BBS9: variants seen among roughly 807,000 people sequenced by gnomAD.
BBS9 encodes Bardet-Biedl syndrome 9.
Under a neutral mutation model 117.7 loss-of-function variants are expected in BBS9, and 89 were observed. The observed-to-expected ratio is 0.76, with a 90% CI of 0.64 to 0.90. The LOEUF (loss-of-function observed/expected upper bound fraction) is 0.90. BBS9 is among the 40% of genes least tolerant of loss of function. The probability of loss-of-function intolerance (pLI) is 0.00; values close to 1 mark genes in which losing one functional copy is unlikely to be tolerated. For missense variants in BBS9, 982 were observed against 1,042.2 expected (o/e 0.94, Z 0.80); for synonymous variants, 379 against 370.9 (o/e 1.02, Z -0.25).
chr7:33,385,031 A>G (rs536831849), intron 18 of BBS9, among the ~76,000 whole-genome samples: 6 of 152,274 alleles, frequency 3.9e-5, no homozygotes, highest in East Asian at 3.9e-4. Context: ...TCCTTGGGAT[A>G]TATTTTAAGA....
chr7:33,567,839 G>A (rs952157011), intron 21 of BBS9, among the ~76,000 whole-genome samples: 8 of 152,108 alleles, frequency 5.3e-5, no homozygotes, highest in Admixed American at 3.3e-4. Context: ...TAATATCTCA[G>A]GATTAGTACT....
chr7:33,594,538 G>A (rs1030701617), intron 21 of BBS9, among the ~76,000 whole-genome samples: 3 of 152,190 alleles, frequency 2.0e-5, no homozygotes, highest in Non-Finnish European at 4.4e-5. Context: ...TATATAGAAA[G>A]GCATTTTTTT....
chr7:33,530,169 T>C (rs546083255), intron 20 of BBS9, among the ~76,000 whole-genome samples: 1 of 152,354 alleles, frequency 6.6e-6, no homozygotes, highest in East Asian at 1.9e-4. Context: ...CTTTTAGTTT[T>C]ATATTTGAAT....
chr7:33,210,327 G>A (rs1475154778), intron 5 of BBS9, among the ~76,000 whole-genome samples: 2 of 152,210 alleles, frequency 1.3e-5, no homozygotes, highest in Non-Finnish European at 2.9e-5. Context: ...GTCTGTCCTT[G>A]AGAATGATCC....
intron 20 of BBS9, among the ~76,000 whole-genome samples, chr7:33,523,263 A>C (rs1848931791): frequency 6.8e-6 from 1 of 146,966 alleles, no homozygotes; most frequent in Admixed American, 6.7e-5. Context: ...ACTTTAAAGT[A>C]GTTTTTTCCA....
Position 33,340,436 on chromosome 7 carries a change from TAG to T in BBS9, c.1199-459_1199-458del, listed in dbSNP as rs566934605. Among the ~76,000 whole-genome samples, 420 of 152,310 alleles carry T rather than the reference TAG, an allele frequency of 2.8e-3. 3 individuals are homozygous for T. The highest frequency in any genetic ancestry group is 9.1e-3 in the African/African-American group (378 of 41,576). On this transcript the variant is annotated intron_variant, in intron 10 of 22. Coordinates refer to ENST00000242067, the MANE Select transcript of BBS9 (RefSeq NM_198428.3). ...AATAATTAGCCTATTAATAGATATA[TAG>T]ATATTTAGGTTGTTTTCATTTCTGA...
rs75619569 is a variant in BBS9 at position 33,424,622 on chromosome 7, A to G, written c.2115+36478A>G. ...CAGAAACAGGTATTTAAAAATATCTAAAAAAAGCACATGTAATAAGACTTT... is the reference window on the plus strand; with the variant it reads ...CAGAAACAGGTATTTAAAAATATCTGAAAAAAGCACATGTAATAAGACTTT... On this transcript the variant is annotated intron_variant, in intron 19 of 22. Coordinates refer to ENST00000242067, the MANE Select transcript of BBS9 (RefSeq NM_198428.3). Among the ~76,000 whole-genome samples, 63 of 151,598 alleles carry G rather than the reference A, an allele frequency of 4.2e-4. No homozygotes were observed. The East Asian group carries it at 0.012, about 29-fold the overall frequency.
intron 21 of BBS9, among the ~76,000 whole-genome samples, chr7:33,627,082 A>C (rs910601062): frequency 2.6e-5 from 4 of 152,158 alleles, no homozygotes; most frequent in Admixed American, 6.5e-5. Context: ...ATAGGCCCGG[A>C]GGGTTAGGAG....
chr7:33,156,656 A>G (rs1021976085), intron 4 of BBS9, among the ~76,000 whole-genome samples: 5 of 152,252 alleles, frequency 3.3e-5, no homozygotes, highest in African/African-American at 7.2e-5. Context: ...GTAGACATCC[A>G]GTAAATACTT....
At chr7:33,490,432 G>A (rs1434697747) in intron 19 of BBS9, among the ~76,000 whole-genome samples, 1 of 152,064 alleles carries the variant, frequency 6.6e-6, no homozygotes, top group African/African-American at 2.4e-5. Flanking sequence ...AAGCTGTCAT[G>A]TCCCTTTTTG....
downstream of BBS9, among the ~76,000 whole-genome samples, chr7:33,610,149 G>A (rs956834495): frequency 2.6e-5 from 4 of 152,126 alleles, no homozygotes; most frequent in African/African-American, 9.7e-5. Flanking sequence ...GAGAGAGTGA[G>A]CGAGCGAGAT....
chr7:33,329,710 A>G (rs988603032), intron 9 of BBS9, among the ~76,000 whole-genome samples: 8 of 152,210 alleles, frequency 5.3e-5, no homozygotes, highest in African/African-American at 1.9e-4. Context: ...TAAAAGGATT[A>G]TAACAAATTT....
intron 21 of BBS9, among the ~76,000 whole-genome samples, chr7:33,628,337 A>C (rs933921431): frequency 6.6e-6 from 1 of 152,228 alleles, no homozygotes; most frequent in African/African-American, 2.4e-5. Flanking sequence ...AATATATGAA[A>C]AGGATAACAC....
At chr7:33,543,846 T>C (rs1435679021) in intron 21 of BBS9, among the ~76,000 whole-genome samples, 1 of 152,200 alleles carries the variant, frequency 6.6e-6, no homozygotes, top group Non-Finnish European at 1.5e-5. Flanking sequence ...TTCTTAGGTT[T>C]GTTCATTTTA....
intron 19 of BBS9, among the ~76,000 whole-genome samples, chr7:33,427,897 C>T (rs1055100156): frequency 6.6e-6 from 1 of 151,980 alleles, no homozygotes; most frequent in Non-Finnish European, 1.5e-5. Flanking sequence ...TATTATTATC[C>T]TTATTTTATG....
At chr7:33,614,424 T>C (rs559657914) in intron 21 of BBS9, among the ~76,000 whole-genome samples, 2 of 152,118 alleles carry the variant, frequency 1.3e-5, no homozygotes, top group Admixed American at 6.6e-5. Flanking sequence ...TCTGTACTTA[T>C]TTGGTCCCAG....
At chr7:33,285,397 G>T (rs967188749) in intron 9 of BBS9, among the ~76,000 whole-genome samples, 4 of 152,058 alleles carry the variant, frequency 2.6e-5, no homozygotes, top group Non-Finnish European at 4.4e-5. Context: ...AGTTATGGGG[G>T]ATGAAGGAAC....
rs898947199 is a variant in BBS9 at position 33,626,596 on chromosome 7, A to T, written c.2522-8581A>T. 1.0e-3 allele frequency among the ~76,000 whole-genome samples: 152 copies of T among 152,200 alleles called. 1 individual carries two copies. The highest frequency in any genetic ancestry group is 8.8e-5 in the Non-Finnish European group (6 of 68,036). On this transcript the variant is annotated intron_variant, in intron 21 of 21. Transcript: ENST00000671952. ...ATAAAGTCCAGGCTGAGGTGGTCTC[A>T]GATAGAGGTGAGGAACTTATTGGGA...
intron 19 of BBS9, among the ~76,000 whole-genome samples, chr7:33,471,470 G>C (rs6958064): frequency 6.6e-6 from 1 of 152,176 alleles, no homozygotes; most frequent in Non-Finnish European, 1.5e-5. Flanking sequence ...CTTGCTACAC[G>C]TATAGTCCAT....
Sources: allele counts gnomAD v4.1 joint callset (sites outside exome capture counted in the v4.1 genomes callset), GRCh38; gene constraint gnomAD v4.1.1; transcripts MANE v1.5; gene names NCBI Gene and HGNC (gene_info 2026-07-23, HGNC 2026-07-21).